Variants in SGCZ observed in about 807,000 individuals in gnomAD.
SGCZ encodes zeta-sarcoglycan.
In SGCZ, 40 loss-of-function variants were observed where a neutral mutation model predicts 41.3. The observed-to-expected ratio is 0.97, with a 90% CI of 0.75 to 1.26. The LOEUF is 1.26. Among genes scored for constraint, SGCZ ranks in the 50% most tolerant of loss-of-function variants. The pLI is 0.00. For missense variants in SGCZ, 552 were observed against 369.8 expected, an observed-to-expected ratio of 1.49 and a Z score of -4.04; for synonymous variants, 206 against 137.5, an observed-to-expected ratio of 1.50 and a Z score of -3.49.
chr8:14,796,749 C>A (rs1444163806), intron 1 of SGCZ, among the ~76,000 whole-genome samples: 2 of 152,164 alleles, frequency 1.3e-5, no homozygotes, highest in Non-Finnish European at 2.9e-5. Context: ...CAAATCTCAT[C>A]TCAAATTGCA....
intron 1 of SGCZ, among the ~76,000 whole-genome samples, chr8:15,085,124 A>G (rs1446543844): frequency 6.6e-6 from 1 of 152,196 alleles, no homozygotes; most frequent in Non-Finnish European, 1.5e-5. Flanking sequence ...GGCCTCAGAG[A>G]GTTAAATAAC....
intron 4 of SGCZ, among the ~76,000 whole-genome samples, chr8:14,201,761 A>C (rs1805463192): frequency 6.6e-6 from 1 of 152,174 alleles, no homozygotes; most frequent in African/African-American, 2.4e-5. Flanking sequence ...AGGAAAATTT[A>C]ACTACACAAA....
chr8:15,027,456 A>T (rs1803499815), intron 1 of SGCZ, among the ~76,000 whole-genome samples: 1 of 152,238 alleles, frequency 6.6e-6, no homozygotes, highest in South Asian at 2.1e-4. Context: ...CTATGAGAAG[A>T]TTCCACTTTC....
intron 1 of SGCZ, among the ~76,000 whole-genome samples, chr8:15,036,177 G>T (rs2130967598): frequency 6.6e-6 from 1 of 152,130 alleles, no homozygotes; most frequent in East Asian, 1.9e-4. Flanking sequence ...AAATAAAGTA[G>T]ATCATAAAAG....
chr8:14,573,588 C>G (rs997624297), intron 1 of SGCZ, among the ~76,000 whole-genome samples: 25 of 152,104 alleles, frequency 1.6e-4, no homozygotes, highest in African/African-American at 5.8e-4. Context: ...CAGTATCTTT[C>G]TACTTGGATT....
At chr8:14,595,491 A>G (rs565478517) in intron 1 of SGCZ, among the ~76,000 whole-genome samples, 3 of 152,076 alleles carry the variant, frequency 2.0e-5, no homozygotes, top group Non-Finnish European at 4.4e-5. Context: ...ATTCATAGGC[A>G]GAACTATAAC....
intron 1 of SGCZ, among the ~76,000 whole-genome samples, chr8:14,866,661 T>C (rs893264011): frequency 6.6e-6 from 1 of 151,942 alleles, no homozygotes; most frequent in African/African-American, 2.4e-5. Flanking sequence ...ATACAAAGAA[T>C]GAGCTGGGCA....
At chr8:14,349,574 G>T (rs952425621) in intron 2 of SGCZ, among the ~76,000 whole-genome samples, 11 of 152,022 alleles carry the variant, frequency 7.2e-5, no homozygotes, top group Non-Finnish European at 1.6e-4. Context: ...CCAACATTGG[G>T]GGTAAAAGAC....
chr8:15,065,408 GTATTGTAATTATTAT>G (rs1299382074), intron 1 of SGCZ, among the ~76,000 whole-genome samples: 3 of 140,950 alleles, frequency 2.1e-5, no homozygotes, highest in African/African-American at 5.3e-5. Flanking sequence ...TTATCACATG[GTATTGTAATTATTAT>G]TATTATTATT....
At chr8:14,155,444 T>C (rs553847418) in intron 5 of SGCZ, among the ~76,000 whole-genome samples, 1 of 152,224 alleles carries the variant, frequency 6.6e-6, no homozygotes, top group East Asian at 1.9e-4. Context: ...TTAAAATTAA[T>C]GTTTTAAAAA....
At chr8:14,123,244 G>T (rs552013578) in intron 5 of SGCZ, among the ~76,000 whole-genome samples, 11 of 152,120 alleles carry the variant, frequency 7.2e-5, no homozygotes, top group Non-Finnish European at 1.2e-4. Context: ...TGATTCACTT[G>T]TCTTAAAGAC....
At chr8:14,421,276 T>C (rs1284250027) in intron 2 of SGCZ, among the ~76,000 whole-genome samples, 1 of 152,142 alleles carries the variant, frequency 6.6e-6, no homozygotes, top group East Asian at 1.9e-4. Context: ...TAGATGAATT[T>C]ATTTACTCTT....
intron 1 of SGCZ, among the ~76,000 whole-genome samples, chr8:14,877,792 T>C (rs546783817): frequency 6.6e-6 from 1 of 152,254 alleles, no homozygotes; most frequent in East Asian, 1.9e-4. Flanking sequence ...ATTTATTCGT[T>C]TTTTTATGGG....
chr8:14,395,947 G>A (rs1039549281), intron 2 of SGCZ, among the ~76,000 whole-genome samples: 3 of 152,164 alleles, frequency 2.0e-5, no homozygotes, highest in Non-Finnish European at 2.9e-5. Flanking sequence ...GTTTCAAGAG[G>A]ATCAAACTAA....
intron 1 of SGCZ, among the ~76,000 whole-genome samples, chr8:15,029,526 A>T (rs1293082471): frequency 6.6e-6 from 1 of 152,112 alleles, no homozygotes; most frequent in Non-Finnish European, 1.5e-5. Context: ...ACGATTTCCC[A>T]GTGAATATTT....
intron 4 of SGCZ, among the ~76,000 whole-genome samples, chr8:14,232,188 G>C (rs1023811821): frequency 6.6e-6 from 1 of 151,460 alleles, no homozygotes; most frequent in Non-Finnish European, 1.5e-5. Flanking sequence ...GTAGCTGATT[G>C]ACACACTCTG....
intron 1 of SGCZ, among the ~76,000 whole-genome samples, chr8:14,609,952 C>T (rs1213874965): frequency 6.6e-6 from 1 of 152,082 alleles, no homozygotes; most frequent in South Asian, 2.1e-4. Context: ...TCAAATTAAA[C>T]AAAAATAAAT....
intron 1 of SGCZ, among the ~76,000 whole-genome samples, chr8:14,617,799 T>A (rs1300422655): frequency 1.3e-5 from 2 of 152,092 alleles, no homozygotes; most frequent in Non-Finnish European, 2.9e-5. Context: ...GGAAAGATAG[T>A]GCATGTTGAA....
chr8:14,747,711 G>GTGTC (rs1390019045), intron 1 of SGCZ, among the ~76,000 whole-genome samples: 1 of 141,464 alleles, frequency 7.1e-6, no homozygotes, highest in Non-Finnish European at 1.5e-5. Flanking sequence ...GTATTTGTGT[G>GTGTC]TGTGTGTGTG....
Sources: allele counts gnomAD v4.1 joint callset (sites outside exome capture counted in the v4.1 genomes callset), GRCh38; gene constraint gnomAD v4.1.1; transcripts MANE v1.5; gene names NCBI Gene and HGNC (gene_info 2026-07-23, HGNC 2026-07-21).